Variants in PCDHA13 observed in about 807,000 individuals in gnomAD.
PCDHA13 encodes the protein protocadherin alpha-13.
A neutral mutation model predicts 64.8 loss-of-function variants in PCDHA13; 54 were observed. That is an observed-to-expected ratio of 0.83 (90% CI 0.67 to 1.04). The LOEUF is 1.04. Ranked by LOEUF, PCDHA13 falls within the 50% of genes least tolerant of loss-of-function variation. The probability of loss-of-function intolerance (pLI) is 0.00; values close to 1 mark genes in which losing one functional copy is unlikely to be tolerated. For missense variants in PCDHA13, 1,248 were observed against 1,254.3 expected (o/e 0.99, Z 0.08); for synonymous variants, 587 against 564.4 (o/e 1.04, Z -0.57).
intron 3 of PCDHA13, among the ~76,000 whole-genome samples, chr5:140,996,121 G>A (rs2097712758): frequency 6.6e-6 from 1 of 152,212 alleles, no homozygotes; most frequent in Admixed American, 6.5e-5. Flanking sequence ...GTGCAGGGTG[G>A]TGTAGAGGGT....
At chr5:140,978,726 T>C (rs1453953300) in intron 1 of PCDHA13, among the ~76,000 whole-genome samples, 2 of 152,250 alleles carry the variant, frequency 1.3e-5, no homozygotes, top group African/African-American at 4.8e-5. Flanking sequence ...TTATTAAATC[T>C]GGTCTTCCAG....
chr5:140,981,787 T>C (rs2096951436), intron 2 of PCDHA13, among the ~76,000 whole-genome samples: 1 of 152,116 alleles, frequency 6.6e-6, no homozygotes, highest in Non-Finnish European at 1.5e-5. Flanking sequence ...CCATGTTCTC[T>C]TTTCCCTTGA....
Position 140,883,632 on chromosome 5 carries a change from T to C in PCDHA13, c.1364T>C (p.Phe455Ser), listed in dbSNP as rs782762437. The C allele has an allele frequency of 6.2e-7, 1 of 1,613,936 alleles. No homozygotes were observed. Among genetic ancestry groups the C allele is most frequent in the South Asian group, 1.1e-5 (1 of 91,074 alleles). The change falls in exon 1 of 4, where the codon TTC (phenylalanine) becomes TCC (serine). Residue 455 changes from phenylalanine to serine, a missense_variant. Physicochemically the swap from Phe to Ser is radical, Grantham distance 155. Coordinates refer to ENST00000289272, the MANE Select transcript of PCDHA13 (RefSeq NM_018904.3). Reference sequence around the variant, plus strand: ...GACGTGAACGACAACGCGCCGGCGTTCGCGCAGCCCGAGTACACGGTGTTC... The same window carrying C: ...GACGTGAACGACAACGCGCCGGCGTCCGCGCAGCCCGAGTACACGGTGTTC... ...VADVNDNAPAFAQPEYTVFVK... is the reference protein window; with the variant it reads ...VADVNDNAPASAQPEYTVFVK...
chr5:140,892,826 C>T (rs1554185388), intron 1 of PCDHA13, among the ~76,000 whole-genome samples: 1 of 152,166 alleles, frequency 6.6e-6, no homozygotes, highest in Non-Finnish European at 1.5e-5. Flanking sequence ...TACAGTGCTA[C>T]AGTGCTGCAA....
At chr5:141,004,935 A>C (rs1554259817) in intron 3 of PCDHA13, among the ~76,000 whole-genome samples, 1 of 152,112 alleles carries the variant, frequency 6.6e-6, no homozygotes, top group African/African-American at 2.4e-5. Flanking sequence ...GAGAGAAGAA[A>C]ATTTCTTACC....
chr5:140,981,981 A>G (rs2096960839), intron 2 of PCDHA13, among the ~76,000 whole-genome samples: 1 of 152,208 alleles, frequency 6.6e-6, no homozygotes, highest in Non-Finnish European at 1.5e-5. Flanking sequence ...GAAAGAGTAA[A>G]ATAGAAAATA....
chr5:140,917,450 G>A (rs1220183879), intron 1 of PCDHA13, among the ~76,000 whole-genome samples: 2 of 152,010 alleles, frequency 1.3e-5, no homozygotes, highest in Non-Finnish European at 2.9e-5. Context: ...CTGCAAGAGC[G>A]TTTGGCATCT....
At chr5:140,969,908 T>C (rs1586401643) in intron 1 of PCDHA13, among the ~76,000 whole-genome samples, 4 of 152,184 alleles carry the variant, frequency 2.6e-5, no homozygotes, top group Non-Finnish European at 4.4e-5. Context: ...ATGTCACAAG[T>C]GATAAAGCTG....
chr5:140,963,907 A>C (rs1303006789), intron 1 of PCDHA13, among the ~76,000 whole-genome samples: 1 of 152,240 alleles, frequency 6.6e-6, no homozygotes, highest in Non-Finnish European at 1.5e-5. Flanking sequence ...AGTAAAGTGA[A>C]GCTTAGGCTA....
intron 1 of PCDHA13, among the ~76,000 whole-genome samples, chr5:140,906,364 C>T (rs2072599872): frequency 6.6e-6 from 1 of 152,184 alleles, no homozygotes; most frequent in African/African-American, 2.4e-5. Context: ...ATTCCCAACC[C>T]AAATGCTATT....
chr5:141,002,555 A>C (rs1349538713), intron 3 of PCDHA13, among the ~76,000 whole-genome samples: 1 of 152,222 alleles, frequency 6.6e-6, no homozygotes, highest in Admixed American at 6.5e-5. Context: ...CCCAGGATCC[A>C]CCAGTTAGTG....
At chr5:140,915,096 C>T (rs530875134) in intron 1 of PCDHA13, among the ~76,000 whole-genome samples, 1 of 152,060 alleles carries the variant, frequency 6.6e-6, no homozygotes, top group Admixed American at 6.5e-5. Context: ...TGGGCACGCA[C>T]CACCACAACA....
At chr5:140,911,021 G>A (rs1340465729) in intron 1 of PCDHA13, among the ~76,000 whole-genome samples, 2 of 152,066 alleles carry the variant, frequency 1.3e-5, no homozygotes, top group African/African-American at 4.8e-5. Context: ...CTTTAGTCTA[G>A]TTATAGGTCT....
intron 1 of PCDHA13, chr5:140,928,384 C>G (rs246074): frequency 0.52 from 841,304 of 1,613,674 alleles, 221,696 homozygotes; most frequent in African/African-American, 0.71. Flanking sequence ...CTCTAGCTTG[C>G]TGGCAGTGGA....
At chr5:140,916,641 G>T (rs781877597) in intron 1 of PCDHA13, among the ~76,000 whole-genome samples, 2 of 152,150 alleles carry the variant, frequency 1.3e-5, no homozygotes, top group African/African-American at 2.4e-5. Context: ...TCCTACTGTG[G>T]CTGAGCTGGT....
chr5:140,964,556 G>A (rs2095839745), intron 1 of PCDHA13, among the ~76,000 whole-genome samples: 1 of 152,166 alleles, frequency 6.6e-6, no homozygotes. Context: ...GCGACTTGGA[G>A]GGCTGGGAGG....
At chr5:140,971,987 G>A (rs1246433962) in intron 1 of PCDHA13, among the ~76,000 whole-genome samples, 1 of 152,086 alleles carries the variant, frequency 6.6e-6, no homozygotes, top group Non-Finnish European at 1.5e-5. Context: ...GTAGACAGAA[G>A]TTCCAATGTT....
chr5:140,979,359 T>C (rs1554240585), intron 2 of PCDHA13, among the ~76,000 whole-genome samples: 1 of 152,206 alleles, frequency 6.6e-6, no homozygotes, highest in Non-Finnish European at 1.5e-5. Context: ...TACTCATGCT[T>C]TGAGACTTGG....
At chr5:140,927,265 C>T in intron 1 of PCDHA13, 1 of 1,614,168 alleles carries the variant, frequency 6.2e-7, no homozygotes. Context: ...ACCTCTCTTT[C>T]CTGCCGGCGA....
Sources: allele counts gnomAD v4.1 joint callset (sites outside exome capture counted in the v4.1 genomes callset), GRCh38; gene constraint gnomAD v4.1.1; transcripts MANE v1.5; gene names NCBI Gene and HGNC (gene_info 2026-07-23, HGNC 2026-07-21).